GK5: variants seen among roughly 807,000 people sequenced by gnomAD.
The protein encoded by GK5 is ATP:glycerol 3-phosphotransferase 5.
GK5 carries 39 observed loss-of-function variants against 77.3 expected under a neutral mutation model. The observed-to-expected ratio is 0.50, with a 90% CI of 0.39 to 0.66. GK5 has a LOEUF of 0.66. GK5 is among the 30% of genes least tolerant of loss of function. The pLI, the probability that GK5 is intolerant of heterozygous loss-of-function variation, is 0.00. For missense variants in GK5, 487 were observed against 633.8 expected, an observed-to-expected ratio of 0.77 and a Z score of 2.49; for synonymous variants, 211 against 208.0, an observed-to-expected ratio of 1.01 and a Z score of -0.13.
intron 11 of GK5, among the ~76,000 whole-genome samples, chr3:142,177,864 T>C (rs1419169975): frequency 2.7e-5 from 4 of 150,356 alleles, no homozygotes; most frequent in African/African-American, 7.3e-5. Context: ...TTTCTTTTTT[T>C]TTTTTTTTTT....
intron 6 of GK5, 77 bp downstream of exon 6, chr3:142,187,627 T>A: frequency 9.4e-7 from 1 of 1,064,090 alleles, no homozygotes; most frequent in Non-Finnish European, 1.4e-6. Flanking sequence ...AAAAAGTAAC[T>A]TCTACTTTTT....
intron 1 of GK5, among the ~76,000 whole-genome samples, chr3:142,219,947 A>G (rs922395099): frequency 6.6e-6 from 1 of 152,198 alleles, no homozygotes; most frequent in Non-Finnish European, 1.5e-5. Flanking sequence ...GCAGCCTGGG[A>G]GACAGAGGGA....
At position 142,165,429 on chromosome 3, in the gene GK5, T is replaced by C; in HGVS notation, c.*193A>G. On this transcript the variant is annotated 3_prime_UTR_variant, in exon 16 of 16. Transcript: ENST00000392993. ...ATAAAGTTTTGAGGTATTGCTGCCT[T>C]ACCATGGTTTAGGGGAAAAAAATAA... 2.3e-6 allele frequency: 1 copy of C among 441,602 alleles called. No individual in the cohort carries two copies. Among genetic ancestry groups the C allele is most frequent in the Admixed American group, 4.3e-5 (1 of 23,494 alleles). The allele number at this position is 441,602 out of a possible 1,614,324, so 27.4% of individuals were successfully genotyped here. A position where few individuals can be genotyped will look rare whatever the true frequency, so the allele number is the denominator to read the frequency against.
At chr3:142,193,686 C>T (rs2063887531) in intron 5 of GK5, among the ~76,000 whole-genome samples, 1 of 152,044 alleles carries the variant, frequency 6.6e-6, no homozygotes, top group Admixed American at 6.6e-5. Context: ...TGTAGTTAAG[C>T]TTATTCATAC....
Position 142,225,464 on chromosome 3 carries a change from C to A in GK5, c.-9G>T. ...GTGAGCAGCCCCGACATCCCGATCC[C>A]GCACGCCTCTCCGCTACAGCCGCCT... On this transcript the variant is annotated 5_prime_UTR_variant, in exon 1 of 16. Transcript: ENST00000392993. 1 of 1,600,646 alleles carries A rather than the reference C, an allele frequency of 6.2e-7. No individual in the cohort carries two copies. Among genetic ancestry groups the A allele is most frequent in the East Asian group, 2.2e-5 (1 of 44,484 alleles).
At chr3:142,177,188 T>C (rs567743911) in intron 12 of GK5, among the ~76,000 whole-genome samples, 71 of 152,290 alleles carry the variant, frequency 4.7e-4, no homozygotes, top group African/African-American at 1.5e-3. Flanking sequence ...CTAAGTCTTA[T>C]GTAAAAGTTC....
chr3:142,215,549 T>C, intron 2 of GK5, 50 bp downstream of exon 2: 1 of 972,760 alleles, frequency 1.0e-6, no homozygotes. Flanking sequence ...GGAAAACTAT[T>C]ACAAAAAAAA....
rs528602427 is a variant in GK5 at position 142,225,503 on chromosome 3, G to C, written c.-48C>G. The C allele has an allele frequency of 2.5e-6, 4 of 1,578,616 alleles. No homozygotes were observed. The African/African-American group carries it at 5.5e-5, about 22-fold the overall frequency. On this transcript the variant is annotated 5_prime_UTR_variant, in exon 1 of 16. Coordinates refer to ENST00000392993, the MANE Select transcript of GK5 (RefSeq NM_001039547.3). ...CTACAGCCGCCTACCCAGAGGGCGCGCTACAAATCCCAATGCTCCAGAGTC... is the reference window on the plus strand; with the variant it reads ...CTACAGCCGCCTACCCAGAGGGCGCCCTACAAATCCCAATGCTCCAGAGTC...
At chr3:142,212,693 T>C (rs1577148570) in intron 3 of GK5, among the ~76,000 whole-genome samples, 1 of 152,194 alleles carries the variant, frequency 6.6e-6, no homozygotes. Context: ...AAAACAGATA[T>C]GATGCCTAAA....
chr3:142,180,377 G>A (rs576941736), intron 11 of GK5, among the ~76,000 whole-genome samples: 27 of 150,548 alleles, frequency 1.8e-4, no homozygotes, highest in South Asian at 6.3e-4. Context: ...ATCTCGGCTC[G>A]CCACAACCTC....
Position 142,190,455 on chromosome 3 carries a change from C to A in GK5, c.544-2676G>T, listed in dbSNP as rs529302581. Among the ~76,000 whole-genome samples, 18 of 152,048 alleles carry A rather than the reference C, an allele frequency of 1.2e-4. 1 individual carries two copies. In the South Asian group the frequency reaches 3.7e-3, roughly 32 times the overall value. On this transcript the variant is annotated intron_variant, in intron 5 of 15. Transcript: ENST00000392993. Reference sequence around the variant, plus strand: ...GGGCAATGGCCCATATTTGGGCTTTCAGAAAAAAAGATAAGGAGAATGGAG... The same window carrying A: ...GGGCAATGGCCCATATTTGGGCTTTAAGAAAAAAAGATAAGGAGAATGGAG...
At chr3:142,202,245 T>A (rs1190808619) in intron 4 of GK5, among the ~76,000 whole-genome samples, 1 of 152,112 alleles carries the variant, frequency 6.6e-6, no homozygotes, top group Non-Finnish European at 1.5e-5. Flanking sequence ...GCCTTAGCCA[T>A]CATCAGGCAA....
At chr3:142,223,153 A>C (rs752216459) in intron 1 of GK5, among the ~76,000 whole-genome samples, 39 of 152,316 alleles carry the variant, frequency 2.6e-4, no homozygotes, top group Non-Finnish European at 4.9e-4. Flanking sequence ...TCCATCTTTG[A>C]GATTCCTCAC....
At chr3:142,175,990 C>T (rs987104254) in intron 12 of GK5, among the ~76,000 whole-genome samples, 8 of 151,896 alleles carry the variant, frequency 5.3e-5, no homozygotes, top group African/African-American at 1.7e-4. Flanking sequence ...CCTAACCAAA[C>T]CTTACCTTGC....
At chr3:142,198,681 C>T (rs1261115807) in intron 5 of GK5, 121 bp downstream of exon 5, 9 of 879,516 alleles carry the variant, frequency 1.0e-5, no homozygotes, top group Non-Finnish European at 1.5e-5. Flanking sequence ...GTGGTAGACA[C>T]TTAATTTTCC....
Position 142,168,900 on chromosome 3 carries a change from T to A in GK5, c.1441+1425A>T, listed in dbSNP as rs79504759. On this transcript the variant is annotated intron_variant, in intron 15 of 15. Coordinates refer to ENST00000392993, the MANE Select transcript of GK5 (RefSeq NM_001039547.3). ...CATTGATGAATGCCTTTGCACAAGT[T>A]GCAATAGGGATATTGAGCCAACCAT... Among the ~76,000 whole-genome samples, 1,265 of 152,254 alleles carry A rather than the reference T, an allele frequency of 8.3e-3. 14 individuals carry two copies. Among genetic ancestry groups the A allele is most frequent in the African/African-American group, 0.028 (1,171 of 41,538 alleles).
At chr3:142,171,164 G>A (rs1234980373) in intron 14 of GK5, among the ~76,000 whole-genome samples, 1 of 152,122 alleles carries the variant, frequency 6.6e-6, no homozygotes, top group African/African-American at 2.4e-5. Context: ...CCAGGCAGTA[G>A]AGGTTGCAGT....
chr3:142,209,746 T>C (rs1367212861), intron 3 of GK5, among the ~76,000 whole-genome samples: 2 of 152,178 alleles, frequency 1.3e-5, no homozygotes, highest in African/African-American at 4.8e-5. Context: ...AGATTGTAAA[T>C]TAGGGCTGGT....
intron 13 of GK5, 116 bp from the exon 14 acceptor site, chr3:142,171,594 G>T: frequency 2.7e-6 from 2 of 752,178 alleles, no homozygotes; most frequent in Middle Eastern, 4.6e-4. Context: ...TTTATAAAAT[G>T]TACAAAACAA....
Sources: gnomAD v4.1 joint callset for allele counts (sites outside exome capture counted in the v4.1 genomes callset) on GRCh38, gnomAD v4.1.1 for gene constraint, MANE v1.5 for transcripts, NCBI Gene and HGNC (gene_info 2026-07-23, HGNC 2026-07-21) for gene names.